The following MTUS2 variants were observed in gnomAD, a reference collection of about 807,000 sequenced individuals.
The protein encoded by MTUS2 is microtubule-associated tumor suppressor candidate 2.
In MTUS2, 40 loss-of-function variants were observed where a neutral mutation model predicts 114.1. The ratio of observed to expected loss-of-function variants is 0.35; its 90% CI spans 0.27 to 0.46. The LOEUF (loss-of-function observed/expected upper bound fraction) is 0.46. Among genes scored for constraint, MTUS2 ranks in the 20% least tolerant of loss-of-function variants. The pLI, the probability that MTUS2 is intolerant of heterozygous loss-of-function variation, is 1.00. For synonymous variants in MTUS2, 688 were observed against 672.0 expected (o/e 1.02, Z -0.37); for missense variants, 1,679 against 1,705.4 (o/e 0.98, Z 0.27).
chr13:28,834,290 C>T (rs2137962207), intron 1 of MTUS2, among the ~76,000 whole-genome samples: 1 of 152,138 alleles, frequency 6.6e-6, no homozygotes, highest in Middle Eastern at 3.4e-3. Flanking sequence ...CACAAAACTA[C>T]CGTAATAAAG....
intron 2 of MTUS2, among the ~76,000 whole-genome samples, chr13:28,894,330 GAGA>G (rs1879132029): frequency 9.1e-5 from 6 of 65,924 alleles, no homozygotes; most frequent in Non-Finnish European, 1.1e-4. Context: ...GGGAGGGAGG[GAGA>G]GAGAGAGAGA....
chr13:29,143,423 C>T (rs1892307838), intron 5 of MTUS2, among the ~76,000 whole-genome samples: 1 of 152,072 alleles, frequency 6.6e-6, no homozygotes, highest in African/African-American at 2.4e-5. Flanking sequence ...AAACCTTGCT[C>T]CAAAAGCATT....
chr13:28,946,348 CAT>C lies in MTUS2; in HGVS notation c.-242-78108_-242-78107del, dbSNP rs754623630. Among the ~76,000 whole-genome samples, 414 of 151,998 alleles carry C rather than the reference CAT, an allele frequency of 2.7e-3. 1 individual carries two copies. The highest frequency in any genetic ancestry group is 6.5e-3 in the African/African-American group (268 of 41,454). On this transcript the variant is annotated intron_variant, in intron 2 of 15. Transcript: ENST00000612955. ...GTGCAAGTGTGCATGTACACACACA[CAT>C]GTGAGTTCCTGCTAAGGAGTGGGAT...
At chr13:29,325,594 A>AGAG (rs1900475327) in intron 7 of MTUS2, among the ~76,000 whole-genome samples, 1 of 151,618 alleles carries the variant, frequency 6.6e-6, no homozygotes, top group Non-Finnish European at 1.5e-5. Context: ...AGGAAGAAGA[A>AGAG]GAAGAAGAAA....
rs375996765 is a variant in MTUS2 at position 29,281,689 on chromosome 13, G to A, written c.2645-15G>A. 3 of 1,592,098 alleles carry A rather than the reference G, an allele frequency of 1.9e-6. No individual in the cohort carries two copies. Among genetic ancestry groups the A allele is most frequent in the East Asian group, 2.3e-5 (1 of 43,880 alleles). ...TTCATGAAGTTATAATTAACACGCT[G>A]TCTGCCTCCCACAGGTTCAACCTTT... is the stretch of plus-strand genomic sequence containing the variant. On this transcript the variant is annotated splice_polypyrimidine_tract_variant and intron_variant, in intron 5 of 15. Coordinates refer to ENST00000612955, the MANE Select transcript of MTUS2 (RefSeq NM_001033602.4).
At chr13:29,261,910 T>TA (rs34745039) in intron 5 of MTUS2, among the ~76,000 whole-genome samples, 55,013 of 152,062 alleles carry the variant, frequency 0.36, 10,318 homozygotes, top group East Asian at 0.53. Context: ...AGAGGAATGG[T>TA]AAAAAGTTGC....
intron 2 of MTUS2, among the ~76,000 whole-genome samples, chr13:28,920,064 T>C (rs910653707): frequency 6.6e-6 from 1 of 152,234 alleles, no homozygotes; most frequent in African/African-American, 2.4e-5. Flanking sequence ...CCAGGATTGG[T>C]CCCTGATGCC....
chr13:28,967,302 G>C (rs192843352), intron 2 of MTUS2, among the ~76,000 whole-genome samples: 3 of 152,022 alleles, frequency 2.0e-5, no homozygotes, highest in East Asian at 3.8e-4. Flanking sequence ...TTATATTGCC[G>C]GGGGGAGAGG....
chr13:28,865,483 T>C (rs1163465464), intron 2 of MTUS2, among the ~76,000 whole-genome samples: 1 of 152,240 alleles, frequency 6.6e-6, no homozygotes, highest in Non-Finnish European at 1.5e-5. Flanking sequence ...TTGCCATGCT[T>C]TTCTCAGCCA....
intron 5 of MTUS2, among the ~76,000 whole-genome samples, chr13:29,127,647 A>G (rs1052618667): frequency 6.6e-5 from 10 of 152,158 alleles, no homozygotes; most frequent in South Asian, 4.1e-4. Context: ...ATCTCTGTGC[A>G]TGTGTGTGTT....
chr13:29,212,784 A>G (rs1463929981), intron 5 of MTUS2, among the ~76,000 whole-genome samples: 7 of 152,258 alleles, frequency 4.6e-5, no homozygotes, highest in Non-Finnish European at 8.8e-5. Flanking sequence ...GCTCCACCCT[A>G]TTGATACCTG....
At chr13:28,918,469 A>G (rs1880866775) in intron 2 of MTUS2, among the ~76,000 whole-genome samples, 1 of 151,532 alleles carries the variant, frequency 6.6e-6, no homozygotes, top group Admixed American at 6.6e-5. Flanking sequence ...ATTTTATCTG[A>G]TTTACTGGCT....
chr13:29,278,974 CTTG>C (rs1170505141), intron 5 of MTUS2, among the ~76,000 whole-genome samples: 5 of 152,144 alleles, frequency 3.3e-5, no homozygotes, highest in African/African-American at 7.2e-5. Flanking sequence ...GAAAAACTGA[CTTG>C]TTGTAATAAC....
intron 2 of MTUS2, among the ~76,000 whole-genome samples, chr13:28,908,127 A>T (rs910260095): frequency 6.6e-6 from 1 of 151,474 alleles, no homozygotes; most frequent in African/African-American, 2.4e-5. Flanking sequence ...GGATATTTTC[A>T]GCAACTATTT....
At chr13:29,009,848 T>C (rs933882258) in intron 2 of MTUS2, among the ~76,000 whole-genome samples, 3 of 152,192 alleles carry the variant, frequency 2.0e-5, no homozygotes, top group Non-Finnish European at 4.4e-5. Flanking sequence ...AAAAAGCTGA[T>C]TGAAATCTAG....
chr13:28,895,127 A>G (rs3001946), intron 2 of MTUS2, among the ~76,000 whole-genome samples: 34,339 of 152,190 alleles, frequency 0.23, 6,762 homozygotes, highest in African/African-American at 0.53. Context: ...GAAAAACAAA[A>G]GGGGAAGGGG....
At chr13:29,300,980 A>G (rs1458014928) in intron 6 of MTUS2, among the ~76,000 whole-genome samples, 4 of 152,370 alleles carry the variant, frequency 2.6e-5, no homozygotes, top group Middle Eastern at 3.4e-3. Context: ...CAATTCTGTA[A>G]GATAACTGGA....
intron 5 of MTUS2, among the ~76,000 whole-genome samples, chr13:29,201,451 CTCTT>C (rs1894955000): frequency 6.6e-6 from 1 of 151,940 alleles, no homozygotes. Flanking sequence ...TGAGTCTTGA[CTCTT>C]TATCCAATTT....
At chr13:29,492,208 ATGTGATGTGTGGTAGGTGTGTATGTGTG>A in intron 11 of MTUS2, among the ~76,000 whole-genome samples, 1 of 2,796 alleles carries the variant, frequency 3.6e-4, no homozygotes, top group African/African-American at 1.3e-3. Context: ...TGTGGTGTGT[ATGTGATGTGTGGTAGGTGTGTATGTGTG>A]TGGCATGTGT....
Sources: gnomAD v4.1 joint callset for allele counts (sites outside exome capture counted in the v4.1 genomes callset) on GRCh38, gnomAD v4.1.1 for gene constraint, MANE v1.5 for transcripts, NCBI Gene and HGNC (gene_info 2026-07-23, HGNC 2026-07-21) for gene names.